The following GMEB1 variants were observed in gnomAD, a reference collection of about 807,000 sequenced individuals.
GMEB1 encodes the protein glucocorticoid modulatory element-binding protein 1.
GMEB1 carries 6 observed loss-of-function variants against 52.4 expected under a neutral mutation model. That is an observed-to-expected ratio of 0.11 (90% CI 0.06 to 0.23). The LOEUF (loss-of-function observed/expected upper bound fraction) is 0.23. Ranked by LOEUF, GMEB1 falls within the 10% of genes least tolerant of loss-of-function variation. GMEB1 has a pLI of 1.00. For synonymous variants in GMEB1, 255 were observed against 244.9 expected, an observed-to-expected ratio of 1.04 and a Z score of -0.38; for missense variants, 486 against 685.6, an observed-to-expected ratio of 0.71 and a Z score of 3.25.
chr1:28,674,294 A>T (rs1264430583), intron 1 of GMEB1, among the ~76,000 whole-genome samples: 2 of 152,102 alleles, frequency 1.3e-5, no homozygotes, highest in Non-Finnish European at 2.9e-5. Flanking sequence ...AGCCAAAAAC[A>T]CTGTACTCCA....
chr1:28,691,962 C>T (rs961039771), intron 4 of GMEB1, among the ~76,000 whole-genome samples: 2 of 150,620 alleles, frequency 1.3e-5, no homozygotes, highest in African/African-American at 2.4e-5. Flanking sequence ...GGGAAGATCA[C>T]TTGAGCCCAG....
chr1:28,682,619 C>G (rs1351928875), intron 1 of GMEB1, among the ~76,000 whole-genome samples: 1 of 53,646 alleles, frequency 1.9e-5, no homozygotes, highest in Non-Finnish European at 4.1e-5. Context: ...GACCCTGTCT[C>G]AAAAAAAAAA....
intron 9 of GMEB1, among the ~76,000 whole-genome samples, chr1:28,713,247 T>C (rs930628756): frequency 6.6e-6 from 1 of 151,968 alleles, no homozygotes; most frequent in Non-Finnish European, 1.5e-5. Flanking sequence ...AGACTAAATA[T>C]GTATTTCTTA....
chr1:28,704,126 A>C, intron 7 of GMEB1, 66 bp from the exon 8 acceptor site: 240 of 1,316,542 alleles, frequency 1.8e-4, no homozygotes, highest in Non-Finnish European at 2.3e-4. Context: ...TTAACGTTGT[A>C]GAGATTTGCC....
chr1:28,674,720 T>C (rs1570377377), intron 1 of GMEB1, among the ~76,000 whole-genome samples: 1 of 128,380 alleles, frequency 7.8e-6, no homozygotes, highest in Admixed American at 7.9e-5. Context: ...TTTTTTTTTT[T>C]TTTTTTTTTT....
chr1:28,714,789 C>T lies in GMEB1; in HGVS notation c.*16C>T. ...AGAGGATTAACTGGGGATCTCAGGG[C>T]CAGGAGTTATGTTTTGATTTGGAAT... On this transcript the variant is annotated 3_prime_UTR_variant, in exon 10 of 10. Coordinates refer to ENST00000373816, the MANE Select transcript of GMEB1 (RefSeq NM_001319674.2). The T allele has an allele frequency of 6.6e-7, 1 of 1,511,528 alleles. No homozygotes were observed. Among genetic ancestry groups the T allele is most frequent in the Non-Finnish European group, 9.1e-7 (1 of 1,093,854 alleles). The allele number at this position is 1,511,528 out of a possible 1,614,324, so 93.6% of individuals were successfully genotyped here. A position where few individuals can be genotyped will look rare whatever the true frequency, so the allele number is the denominator to read the frequency against.
chr1:28,690,980 T>C (rs945940159), intron 3 of GMEB1, among the ~76,000 whole-genome samples: 5 of 144,258 alleles, frequency 3.5e-5, no homozygotes, highest in African/African-American at 1.0e-4. Flanking sequence ...GACATCATCC[T>C]AAAAAAAATA....
rs150547982 is a variant in GMEB1, at chr1:28,696,715, A to G, written c.441-212A>G. On this transcript the variant is annotated intron_variant, in intron 5 of 9. Transcript: ENST00000373816. ...GCAATACTCATAATGAATAAACTAC[A>G]GAGGGAGGAGGAATACTGGTAAATG... Among the ~76,000 whole-genome samples the G allele has an allele frequency of 3.3e-3, 505 of 152,216 alleles. 3 individuals carry two copies. Among genetic ancestry groups the G allele is most frequent in the African/African-American group, 0.012 (488 of 41,534 alleles).
chr1:28,686,501 C>T (rs1261529062), intron 2 of GMEB1, among the ~76,000 whole-genome samples: 5 of 151,452 alleles, frequency 3.3e-5, no homozygotes, highest in Middle Eastern at 3.2e-3. Flanking sequence ...TGGTGGCACG[C>T]GCCTGTAATC....
chr1:28,671,457 G>C (rs539044072), intron 1 of GMEB1, among the ~76,000 whole-genome samples: 2 of 152,264 alleles, frequency 1.3e-5, no homozygotes, highest in African/African-American at 4.8e-5. Flanking sequence ...ATTTATGCCT[G>C]TAATGCCAGC....
intron 1 of GMEB1, among the ~76,000 whole-genome samples, chr1:28,670,343 T>C (rs1314282213): frequency 3.3e-5 from 5 of 150,932 alleles, no homozygotes; most frequent in African/African-American, 9.7e-5. Context: ...TTGTTGTTGT[T>C]TGAGACGGAG....
rs773872995 is a variant in GMEB1 at position 28,690,146 on chromosome 1, A to G, written c.171A>G (p.Ala57=). 1.9e-6 allele frequency: 3 copies of G among 1,597,632 alleles called. No individual in the cohort carries two copies. The highest frequency in any genetic ancestry group is 3.4e-5 in the Admixed American group (2 of 58,728). The change falls in exon 3 of 10, where the codon GCA becomes GCG. Residue 57 remains alanine (A), a synonymous_variant. Transcript: ENST00000373816. ...AGSENNTAVV[A]VETHTIHKIE... is the part of the protein sequence containing the mutation. ...CGGAGAACAACACGGCAGTTGTAGC[A>G]GTAGAAACTCACACGATACACAAAA...
At chr1:28,696,263 C>T (rs1670203795) in intron 5 of GMEB1, among the ~76,000 whole-genome samples, 1 of 151,918 alleles carries the variant, frequency 6.6e-6, no homozygotes, top group Admixed American at 6.6e-5. Flanking sequence ...AATGTGGTTT[C>T]ACCATGTTGG....
rs67909525 is a variant in GMEB1, at chr1:28,701,268, C to CTTTTTTTTTTT, written c.599-1163_599-1153dup. Among the ~76,000 whole-genome samples the CTTTTTTTTTTT allele has an allele frequency of 6.6e-4, 72 of 109,820 alleles. 3 individuals carry two copies. Among genetic ancestry groups the CTTTTTTTTTTT allele is most frequent in the South Asian group, 9.6e-4 (3 of 3,118 alleles). 72.0% of individuals were successfully genotyped at this position (109,820 alleles called of 152,430 possible). A position where few individuals can be genotyped will look rare whatever the true frequency, so the allele number is the denominator to read the frequency against. On this transcript the variant is annotated intron_variant, in intron 6 of 9. Transcript: ENST00000373816. The stretch of plus-strand genomic sequence containing the variant: ...TTGATTCTCTTTGTTTAAAAGCTGT[C>CTTTTTTTTTTT]TTTTTTTTTTTTTTTTTGAGATGAT...
rs1258101527 is a variant in GMEB1, at chr1:28,714,834, T to G, written c.*61T>G. 1 of 1,183,720 alleles carries G rather than the reference T, an allele frequency of 8.4e-7. No homozygotes were observed. The highest frequency in any genetic ancestry group is 1.5e-5 in the African/African-American group (1 of 65,312). The allele number at this position is 1,183,720 out of a possible 1,614,324, so 73.3% of individuals were successfully genotyped here. ...TGGAATTTTAATTATTTGTTTATTT[T>G]TATCATTGTCCCACTCATTTCCACA... On this transcript the variant is annotated 3_prime_UTR_variant, in exon 10 of 10. Transcript: ENST00000373816.
intron 6 of GMEB1, among the ~76,000 whole-genome samples, chr1:28,700,546 A>G (rs545906329): frequency 6.7e-6 from 1 of 149,544 alleles, no homozygotes; most frequent in Non-Finnish European, 1.5e-5. Context: ...TTAGCTGTGC[A>G]TGGTGGTGCA....
chr1:28,700,249 A>G (rs2124548289), intron 6 of GMEB1, among the ~76,000 whole-genome samples: 1 of 152,024 alleles, frequency 6.6e-6, no homozygotes, highest in South Asian at 2.1e-4. Context: ...GCGGTGGCTC[A>G]CACCTGTAAT....
Position 28,714,867 on chromosome 1 carries a change from C to T in GMEB1, c.*94C>T. On this transcript the variant is annotated 3_prime_UTR_variant, in exon 10 of 10. Coordinates refer to ENST00000373816, the MANE Select transcript of GMEB1 (RefSeq NM_001319674.2). ...GTCCCACTCATTTCCACATAGGACCCTTTTTTAAAAAAAAAAAAACAAAAT... is the reference window on the plus strand; with the variant it reads ...GTCCCACTCATTTCCACATAGGACCTTTTTTTAAAAAAAAAAAAACAAAAT... 7.5e-6 allele frequency: 6 copies of T among 795,984 alleles called. No individual in the cohort carries two copies. The highest frequency in any genetic ancestry group is 2.2e-5 in the South Asian group (1 of 46,126). The allele number at this position is 795,984 out of a possible 1,614,324, so 49.3% of individuals were successfully genotyped here.
intron 2 of GMEB1, among the ~76,000 whole-genome samples, chr1:28,687,099 G>A (rs1019581165): frequency 1.3e-5 from 2 of 151,822 alleles, no homozygotes; most frequent in Non-Finnish European, 2.9e-5. Flanking sequence ...ATTTTGGGAG[G>A]CAGAGGCAGG....
Sources: allele counts gnomAD v4.1 joint callset (sites outside exome capture counted in the v4.1 genomes callset), GRCh38; gene constraint gnomAD v4.1.1; transcripts MANE v1.5; gene names NCBI Gene and HGNC (gene_info 2026-07-23, HGNC 2026-07-21).